Variants in EFNB2 observed in about 807,000 individuals in gnomAD.
EFNB2 encodes the protein ephrin-B2.
Under a neutral mutation model 32.1 loss-of-function variants are expected in EFNB2, and 5 were observed. The observed-to-expected ratio is 0.16, with a 90% CI of 0.08 to 0.33. The LOEUF is 0.33. EFNB2 is among the 10% of genes least tolerant of loss of function. EFNB2 has a pLI of 1.00. For missense variants in EFNB2, 263 were observed against 422.6 expected (o/e 0.62, Z 3.31); for synonymous variants, 168 against 166.5 (o/e 1.01, Z -0.07).
At chr13:106,500,817 C>T (rs933749742) in intron 2 of EFNB2, among the ~76,000 whole-genome samples, 1 of 152,092 alleles carries the variant, frequency 6.6e-6, no homozygotes, top group African/African-American at 2.4e-5. Context: ...TTCTGAAGAT[C>T]GGAAGACTGT....
At chr13:106,513,898 T>C (rs1879228807) in intron 1 of EFNB2, among the ~76,000 whole-genome samples, 1 of 152,168 alleles carries the variant, frequency 6.6e-6, no homozygotes, top group African/African-American at 2.4e-5. Context: ...AGGGTCATAA[T>C]TCACTAAGAG....
chr13:106,496,795 A>G (rs181841032), intron 2 of EFNB2, among the ~76,000 whole-genome samples: 4 of 152,342 alleles, frequency 2.6e-5, no homozygotes, highest in Admixed American at 6.5e-5. Flanking sequence ...CAAGCTGTAA[A>G]GAGATAGGCT....
In EFNB2 at chr13:106,492,990, C is replaced by T. The variant is rs945913681; in HGVS notation, c.*50G>A. ...GCTCTCAAACCCTCAAGGGAGGCATCGGGACATTAGGTGTCCTCTGGGAAA... is the reference window on the plus strand; with the variant it reads ...GCTCTCAAACCCTCAAGGGAGGCATTGGGACATTAGGTGTCCTCTGGGAAA... On this transcript the variant is annotated 3_prime_UTR_variant, in exon 5 of 5. Transcript: ENST00000646441. This position sits in a 1 kb window ranked among gnomAD's most constrained non-coding sequence, Gnocchi z 5.1. 22 of 1,548,396 alleles carry T rather than the reference C, an allele frequency of 1.4e-5. No homozygotes were observed. The highest frequency in any genetic ancestry group is 6.8e-5 in the African/African-American group (5 of 73,868).
intron 4 of EFNB2, among the ~76,000 whole-genome samples, 175 bp downstream of exon 4, chr13:106,494,706 T>C (rs918104991): frequency 6.6e-6 from 1 of 152,236 alleles, no homozygotes; most frequent in Non-Finnish European, 1.5e-5. Context: ...ATGAGTTATT[T>C]TGTTCTTATT....
Position 106,526,111 on chromosome 13 carries a change from G to T in EFNB2, c.122+8732C>A, listed in dbSNP as rs75686923. On this transcript the variant is annotated intron_variant, in intron 1 of 4. Coordinates refer to ENST00000646441, the MANE Select transcript of EFNB2 (RefSeq NM_004093.4). ...CAGGAATCAGGAACTCTGGGGGTGGGGCCCAGAAACCCCTGTTTTCTCAAG... is the reference window on the plus strand; with the variant it reads ...CAGGAATCAGGAACTCTGGGGGTGGTGCCCAGAAACCCCTGTTTTCTCAAG... 9.2e-3 allele frequency among the ~76,000 whole-genome samples: 1,395 copies of T among 152,240 alleles called. 17 individuals are homozygous for T. Among genetic ancestry groups the T allele is most frequent in the Non-Finnish European group, 0.011 (722 of 68,016 alleles).
At chr13:106,500,811 G>GA (rs1878751786) in intron 2 of EFNB2, among the ~76,000 whole-genome samples, 1 of 152,140 alleles carries the variant, frequency 6.6e-6, no homozygotes, top group Admixed American at 6.5e-5. Flanking sequence ...ACAGACTTCT[G>GA]AAGATCGGAA....
intron 1 of EFNB2, among the ~76,000 whole-genome samples, chr13:106,525,625 T>C (rs1879674154): frequency 6.6e-6 from 1 of 152,178 alleles, no homozygotes; most frequent in Non-Finnish European, 1.5e-5. Context: ...ATGCCCACAG[T>C]ATTTCAAGAC....
chr13:106,529,510 C>A (rs534035949), intron 1 of EFNB2, among the ~76,000 whole-genome samples: 2 of 152,208 alleles, frequency 1.3e-5, no homozygotes, highest in African/African-American at 4.8e-5. Context: ...TTCTTTACTG[C>A]CTCAGCCATC....
intron 1 of EFNB2, among the ~76,000 whole-genome samples, chr13:106,515,080 T>C (rs577660146): frequency 7.9e-5 from 12 of 151,968 alleles, no homozygotes; most frequent in Non-Finnish European, 1.5e-4. Flanking sequence ...TCACAGGAGG[T>C]TTCCTCCCAG....
intron 2 of EFNB2, chr13:106,506,725 A>C (rs1321484916): frequency 2.0e-5 from 3 of 152,206 alleles, no homozygotes; most frequent in Admixed American, 6.5e-5. Context: ...CCCCTGCTCC[A>C]AAGTTAACTC....
At chr13:106,500,024 A>T (rs1878719916) in intron 2 of EFNB2, among the ~76,000 whole-genome samples, 1 of 152,176 alleles carries the variant, frequency 6.6e-6, no homozygotes, top group Non-Finnish European at 1.5e-5. Flanking sequence ...ACCTATACTT[A>T]TCTGCAGTTC....
chr13:106,527,214 T>C (rs534165361), intron 1 of EFNB2, among the ~76,000 whole-genome samples: 2 of 152,068 alleles, frequency 1.3e-5, no homozygotes, highest in Non-Finnish European at 2.9e-5. Flanking sequence ...GTAATTAAAA[T>C]TGGATGCAAC....
chr13:106,525,113 G>A lies in EFNB2; in HGVS notation c.122+9730C>T, dbSNP rs560078320. On this transcript the variant is annotated intron_variant, in intron 1 of 4. Transcript: ENST00000646441. ...TTGATTGGTTCATTGTGCCAATCACGGAGCTTAGCTCTTTAAATACATTAA... is the reference window on the plus strand; with the variant it reads ...TTGATTGGTTCATTGTGCCAATCACAGAGCTTAGCTCTTTAAATACATTAA... Among the ~76,000 whole-genome samples, 8 of 152,168 alleles carry A rather than the reference G, an allele frequency of 5.3e-5. 1 individual carries two copies. The South Asian group carries it at 1.2e-3, about 24-fold the overall frequency.
chr13:106,492,871 A>G lies in EFNB2; in HGVS notation c.*169T>C. Reference sequence around the variant, plus strand: ...TGTGTTCACCAAGGCCGAATGCTACAAGACTAGGTAAGCTGTCCAGCGCGA... The same window carrying G: ...TGTGTTCACCAAGGCCGAATGCTACGAGACTAGGTAAGCTGTCCAGCGCGA... On this transcript the variant is annotated 3_prime_UTR_variant, in exon 5 of 5. Coordinates refer to ENST00000646441, the MANE Select transcript of EFNB2 (RefSeq NM_004093.4). This position sits in a 1 kb window ranked among gnomAD's most constrained non-coding sequence, Gnocchi z 5.1. 1 of 847,456 alleles carries G rather than the reference A, an allele frequency of 1.2e-6. No individual in the cohort carries two copies. Among genetic ancestry groups the G allele is most frequent in the Non-Finnish European group, 1.8e-6 (1 of 563,914 alleles). 52.5% of individuals were successfully genotyped at this position (847,456 alleles called of 1,614,324 possible).
At chr13:106,504,811 T>C (rs1035986283) in intron 2 of EFNB2, among the ~76,000 whole-genome samples, 1 of 152,202 alleles carries the variant, frequency 6.6e-6, no homozygotes, top group Admixed American at 6.5e-5. Flanking sequence ...CTAAGGGAAT[T>C]TGAAGTCTCA....
chr13:106,523,521 G>A (rs1879603814), intron 1 of EFNB2, among the ~76,000 whole-genome samples: 1 of 152,180 alleles, frequency 6.6e-6, no homozygotes, highest in Non-Finnish European at 1.5e-5. Flanking sequence ...GTTCTAAAAG[G>A]CATGAAGATT....
chr13:106,525,858 G>A (rs1377975606), intron 1 of EFNB2, among the ~76,000 whole-genome samples: 1 of 152,200 alleles, frequency 6.6e-6, no homozygotes, highest in Non-Finnish European at 1.5e-5. Flanking sequence ...GTTGCTTGCT[G>A]AATTAACAAC....
At position 106,535,021 on chromosome 13, in the gene EFNB2, A is replaced by C; in HGVS notation, c.-57T>G. The C allele has an allele frequency of 6.2e-7, 1 of 1,600,730 alleles. No individual in the cohort carries two copies. Among genetic ancestry groups the C allele is most frequent in the Non-Finnish European group, 8.5e-7 (1 of 1,174,036 alleles). ...GGCCAAGAAGGGACTGACGGGACGC[A>C]GGCTGGGACCCCCAATCCTCCGGGG... On this transcript the variant is annotated 5_prime_UTR_variant, in exon 1 of 5. Coordinates refer to ENST00000646441, the MANE Select transcript of EFNB2 (RefSeq NM_004093.4).
Position 106,521,836 on chromosome 13 carries a change from A to G in EFNB2, c.123-9024T>C, listed in dbSNP as rs1456711607. Among the ~76,000 whole-genome samples the G allele has an allele frequency of 4.0e-5, 6 of 151,868 alleles. No individual in the cohort carries two copies. In the East Asian group the frequency reaches 1.2e-3, roughly 29 times the overall value. ...TCTGTGCCATGATTTTCACTGTCAT[A>G]AAAAATTCACAGAAGGGCATACCTA... On this transcript the variant is annotated intron_variant, in intron 1 of 4. Transcript: ENST00000646441.
Sources: gnomAD v4.1 joint callset for allele counts (sites outside exome capture counted in the v4.1 genomes callset) on GRCh38, gnomAD v4.1.1 for gene constraint, Gnocchi (gnomAD v3.1) non-coding constraint, MANE v1.5 for transcripts, NCBI Gene and HGNC (gene_info 2026-07-23, HGNC 2026-07-21) for gene names.